EAF2: variants seen among roughly 807,000 people sequenced by gnomAD.
EAF2 encodes the protein ELL associated factor 2.
In EAF2, 29 loss-of-function variants were observed where a neutral mutation model predicts 29.4. The observed-to-expected ratio is 0.99, with a 90% CI of 0.73 to 1.35. The LOEUF (loss-of-function observed/expected upper bound fraction) is 1.35. Ranked by LOEUF, EAF2 falls within the 40% of genes most tolerant of loss-of-function variation. The probability of loss-of-function intolerance (pLI) is 0.00; values close to 1 mark genes in which losing one functional copy is unlikely to be tolerated. For synonymous variants in EAF2, 103 were observed against 102.5 expected, an observed-to-expected ratio of 1.00 and a Z score of -0.03; for missense variants, 292 against 312.0, an observed-to-expected ratio of 0.94 and a Z score of 0.48.
At chr3:121,881,574 A>G (rs774521946) in intron 5 of EAF2, among the ~76,000 whole-genome samples, 3 of 151,910 alleles carry the variant, frequency 2.0e-5, no homozygotes, top group Non-Finnish European at 4.4e-5. Flanking sequence ...CAGTGGCACA[A>G]TCTCAACTCA....
At chr3:121,874,945 G>T (rs561130442) in intron 5 of EAF2, among the ~76,000 whole-genome samples, 15 of 151,864 alleles carry the variant, frequency 9.9e-5, no homozygotes, top group African/African-American at 3.6e-4. Flanking sequence ...TCAGGGAAAG[G>T]TATAATAATA....
intron 4 of EAF2, among the ~76,000 whole-genome samples, chr3:121,862,091 G>A (rs1006454544): frequency 5.9e-5 from 9 of 152,192 alleles, no homozygotes; most frequent in African/African-American, 2.2e-4. Context: ...TTTCTCTCTG[G>A]CTTCCTTTAA....
At chr3:121,842,320 T>G (rs975877471) in intron 1 of EAF2, among the ~76,000 whole-genome samples, 1 of 152,238 alleles carries the variant, frequency 6.6e-6, no homozygotes, top group African/African-American at 2.4e-5. Flanking sequence ...ACTGTATATA[T>G]CCATATTAAA....
intron 1 of EAF2, among the ~76,000 whole-genome samples, chr3:121,835,783 G>T (rs1576631867): frequency 6.6e-6 from 1 of 152,238 alleles, no homozygotes; most frequent in Non-Finnish European, 1.5e-5. Context: ...GAGGCTGGTG[G>T]GGCAATATTC....
chr3:121,851,566 A>G (rs1387192012), intron 2 of EAF2, among the ~76,000 whole-genome samples: 1 of 152,216 alleles, frequency 6.6e-6, no homozygotes, highest in African/African-American at 2.4e-5. Flanking sequence ...AAGCAATTCT[A>G]TGTGGTTTGT....
rs1709038975 is a variant in EAF2 at position 121,872,777 on chromosome 3, T to A, written c.725T>A (p.Met242Lys). The change falls in exon 5 of 6, where the codon ATG (methionine) becomes AAG (lysine). Residue 242 changes from methionine to lysine, a missense_variant. By Grantham distance (95) the Met-to-Lys change is moderately conservative. Coordinates refer to ENST00000273668, the MANE Select transcript of EAF2 (RefSeq NM_018456.6). Reference sequence around the variant, plus strand: ...TTTCGAGACAACAGTGGCCTTCTGATGAATACTTTAAGTAAGTATACATAA... The same window carrying A: ...TTTCGAGACAACAGTGGCCTTCTGAAGAATACTTTAAGTAAGTATACATAA... The part of the protein sequence containing the change: ...NRFRDNSGLL[M>K]NTLRNDLQLS... The A allele has an allele frequency of 6.2e-7, 1 of 1,610,954 alleles. No homozygotes were observed.
intron 2 of EAF2, among the ~76,000 whole-genome samples, chr3:121,852,255 T>C (rs1481285871): frequency 1.3e-5 from 2 of 152,246 alleles, no homozygotes; most frequent in African/African-American, 4.8e-5. Flanking sequence ...AGAGTACAGA[T>C]ATCATTAAGA....
chr3:121,862,603 C>T (rs546185384), intron 4 of EAF2, among the ~76,000 whole-genome samples: 9 of 152,270 alleles, frequency 5.9e-5, no homozygotes, highest in East Asian at 1.9e-4. Context: ...AGCTTCTTTG[C>T]GATGGGTTCG....
Position 121,867,510 on chromosome 3 carries a change from G to GA in EAF2, c.485-5019dup, listed in dbSNP as rs571151887. ...GCATAATATATTTCAAGTGCTGAAA[G>GA]AAAAAAAATGTTAAGTGTGAATTCT... On this transcript the variant is annotated intron_variant, in intron 4 of 5. Transcript: ENST00000273668. Among the ~76,000 whole-genome samples, 192 of 151,974 alleles carry GA rather than the reference G, an allele frequency of 1.3e-3. 1 individual carries two copies. Among genetic ancestry groups the GA allele is most frequent in the South Asian group, 4.0e-3 (19 of 4,804 alleles).
intron 2 of EAF2, among the ~76,000 whole-genome samples, chr3:121,847,692 T>TA (rs1186709964): frequency 6.6e-6 from 1 of 152,158 alleles, no homozygotes; most frequent in Non-Finnish European, 1.5e-5. Context: ...CTCCTGAGAT[T>TA]AGTTCAGATG....
chr3:121,838,266 A>G (rs1708341152), intron 1 of EAF2, among the ~76,000 whole-genome samples: 1 of 152,226 alleles, frequency 6.6e-6, no homozygotes, highest in Non-Finnish European at 1.5e-5. Context: ...AGAGAGAATA[A>G]ATAAATGGTA....
intron 5 of EAF2, among the ~76,000 whole-genome samples, chr3:121,885,772 C>T (rs899390516): frequency 1.3e-5 from 2 of 152,134 alleles, no homozygotes; most frequent in African/African-American, 4.8e-5. Flanking sequence ...ATAGCACCTG[C>T]CACTGCCATC....
chr3:121,879,669 A>G (rs1709159847), intron 5 of EAF2, among the ~76,000 whole-genome samples: 1 of 146,712 alleles, frequency 6.8e-6, no homozygotes, highest in South Asian at 2.2e-4. Flanking sequence ...TATTGAAGAG[A>G]CTGTCCTTTC....
rs1709064899 is a variant in EAF2, at chr3:121,874,530, T to C, written c.736+1742T>C. 2.0e-5 allele frequency among the ~76,000 whole-genome samples: 3 copies of C among 151,984 alleles called. No individual in the cohort carries two copies. The South Asian group carries it at 6.2e-4, about 31-fold the overall frequency. ...AGGAATCAGCATATCAGTATTATAT[T>C]CCTGACTTCCTTATCACTTATTAGC... On this transcript the variant is annotated intron_variant, in intron 5 of 5. Transcript: ENST00000273668.
chr3:121,845,459 A>AAAG (rs1553726219), intron 2 of EAF2, among the ~76,000 whole-genome samples: 3 of 96,656 alleles, frequency 3.1e-5, no homozygotes, highest in African/African-American at 1.3e-4. Flanking sequence ...AAAAAAAAAA[A>AAAG]AAAGAAAGAA....
chr3:121,859,655 C>T (rs1383871853), intron 4 of EAF2, among the ~76,000 whole-genome samples: 2 of 152,044 alleles, frequency 1.3e-5, no homozygotes, highest in Non-Finnish European at 2.9e-5. Flanking sequence ...AATTGAATAC[C>T]CTTTGTTTCT....
At position 121,836,787 on chromosome 3, in the gene EAF2, C is replaced by G. The variant is rs528431312; in HGVS notation, c.106+1396C>G. ...GTATCTACTCTCTCCTTTTCTCTTC[C>G]TTCTCAGGTATGCAATAGTCTTAAT... On this transcript the variant is annotated intron_variant, in intron 1 of 5. Coordinates refer to ENST00000273668, the MANE Select transcript of EAF2 (RefSeq NM_018456.6). 1.4e-5 allele frequency: 14 copies of G among 987,138 alleles called. No homozygotes were observed. The African/African-American group carries it at 2.4e-4, about 17-fold the overall frequency. 61.1% of individuals were successfully genotyped at this position (987,138 alleles called of 1,614,324 possible).
chr3:121,856,477 C>G (rs1708720933), intron 3 of EAF2, among the ~76,000 whole-genome samples: 1 of 151,928 alleles, frequency 6.6e-6, no homozygotes, highest in Admixed American at 6.6e-5. Flanking sequence ...CTGCACCAGC[C>G]TGGATTTTTG....
At chr3:121,878,763 A>G (rs1387739022) in intron 5 of EAF2, among the ~76,000 whole-genome samples, 3 of 152,178 alleles carry the variant, frequency 2.0e-5, no homozygotes, top group Non-Finnish European at 2.9e-5. Flanking sequence ...ATAACATTCT[A>G]TGTATATTAA....
Sources: allele counts gnomAD v4.1 joint callset (sites outside exome capture counted in the v4.1 genomes callset), GRCh38; gene constraint gnomAD v4.1.1; transcripts MANE v1.5; gene names NCBI Gene and HGNC (gene_info 2026-07-23, HGNC 2026-07-21).